Variants in VWA8 observed in about 807,000 individuals in gnomAD.
The protein encoded by VWA8 is von Willebrand factor A domain containing 8, also known as von Willebrand factor A domain-containing protein 8.
VWA8 carries 221 observed loss-of-function variants against 241.5 expected under a neutral mutation model. The observed-to-expected ratio is 0.91, with a 90% CI of 0.82 to 1.02. VWA8 has a LOEUF of 1.02. Ranked by LOEUF, VWA8 falls within the 50% of genes least tolerant of loss-of-function variation. VWA8 has a pLI of 0.00. For synonymous variants in VWA8, 852 were observed against 827.1 expected (o/e 1.03, Z -0.52); for missense variants, 2,322 against 2,328.7 (o/e 1.00, Z 0.06).
At chr13:41,863,454 TTC>T (rs1491531604) in intron 12 of VWA8, among the ~76,000 whole-genome samples, 1,747 of 94,440 alleles carry the variant, frequency 0.018, 55 homozygotes, top group Middle Eastern at 0.058. Context: ...TATATATATA[TTC>T]ACACACACAC....
At chr13:41,839,124 G>A (rs1871875711) in intron 12 of VWA8, among the ~76,000 whole-genome samples, 2 of 152,080 alleles carry the variant, frequency 1.3e-5, no homozygotes, top group Non-Finnish European at 2.9e-5. Flanking sequence ...CAGTGTTAAA[G>A]CATTCCCATT....
chr13:41,895,715 T>C (rs1809426027), intron 4 of VWA8, among the ~76,000 whole-genome samples: 1 of 152,180 alleles, frequency 6.6e-6, no homozygotes, highest in African/African-American at 2.4e-5. Context: ...CTAATTGTGC[T>C]ATTATCCTCA....
At chr13:41,728,862 T>C (rs1391267092) in intron 23 of VWA8, among the ~76,000 whole-genome samples, 1 of 152,088 alleles carries the variant, frequency 6.6e-6, no homozygotes, top group Non-Finnish European at 1.5e-5. Flanking sequence ...CTCAACTTGT[T>C]TGGTTACTCT....
At chr13:41,846,540 A>C (rs980900623) in intron 12 of VWA8, among the ~76,000 whole-genome samples, 1 of 152,236 alleles carries the variant, frequency 6.6e-6, no homozygotes, top group African/African-American at 2.4e-5. Flanking sequence ...AATCAAGTGA[A>C]GAAACAAACT....
chr13:41,959,962 G>C (rs1188116375), intron 1 of VWA8, among the ~76,000 whole-genome samples: 1 of 152,116 alleles, frequency 6.6e-6, no homozygotes, highest in Non-Finnish European at 1.5e-5. Context: ...AATGCAAGAG[G>C]ACAACGAAAC....
At chr13:41,889,599 G>T (rs1294980310) in intron 5 of VWA8, among the ~76,000 whole-genome samples, 2 of 152,032 alleles carry the variant, frequency 1.3e-5, no homozygotes, top group African/African-American at 4.8e-5. Flanking sequence ...GGCTGATCTT[G>T]AACTCCTGAC....
chr13:41,871,736 T>C (rs1453377080), intron 9 of VWA8, among the ~76,000 whole-genome samples: 1 of 152,146 alleles, frequency 6.6e-6, no homozygotes, highest in Admixed American at 6.5e-5. Flanking sequence ...TCCAAGTCTT[T>C]GCTATTGTGA....
chr13:41,924,338 C>A (rs1482512096), intron 2 of VWA8, among the ~76,000 whole-genome samples: 2 of 144,274 alleles, frequency 1.4e-5, no homozygotes, highest in East Asian at 2.1e-4. Flanking sequence ...GAAGATAGCT[C>A]TTCTGAAATT....
At chr13:41,768,272 C>A (rs935289715) in intron 20 of VWA8, among the ~76,000 whole-genome samples, 1 of 152,178 alleles carries the variant, frequency 6.6e-6, no homozygotes, top group Non-Finnish European at 1.5e-5. Context: ...GCTGTCATAG[C>A]AACATGGTAT....
At chr13:41,832,951 A>G (rs1479806296) in intron 13 of VWA8, among the ~76,000 whole-genome samples, 1 of 152,072 alleles carries the variant, frequency 6.6e-6, no homozygotes, top group Non-Finnish European at 1.5e-5. Context: ...TCTCTCAAAA[A>G]AAAAAGATTC....
intron 2 of VWA8, among the ~76,000 whole-genome samples, chr13:41,949,340 C>A (rs1057354374): frequency 1.2e-4 from 19 of 152,020 alleles, no homozygotes; most frequent in Non-Finnish European, 2.6e-4. Context: ...ATGGATGAAA[C>A]TGGAAACCAT....
intron 19 of VWA8, among the ~76,000 whole-genome samples, chr13:41,778,832 CTTTTTTT>C (rs71096543): frequency 3.6e-5 from 3 of 82,672 alleles, no homozygotes; most frequent in South Asian, 4.2e-4. Context: ...CAGTACGTCA[CTTTTTTT>C]TTTTTTTTTT....
In VWA8 at chr13:41,600,187, C is replaced by T. The variant is rs574663700; in HGVS notation, c.4986+4981G>A. Among the ~76,000 whole-genome samples the T allele has an allele frequency of 1.2e-3, 190 of 152,218 alleles. 2 individuals are homozygous for T. The highest frequency in any genetic ancestry group is 2.0e-3 in the Non-Finnish European group (139 of 67,988). On this transcript the variant is annotated intron_variant, in intron 40 of 44. Coordinates refer to ENST00000379310, the MANE Select transcript of VWA8 (RefSeq NM_015058.2). Reference sequence around the variant, plus strand: ...TTCAAAGCTGTTTGCGTGTCACTAGCGCTCTTCATTAATTTCTCCTGACGT... The same window carrying T: ...TTCAAAGCTGTTTGCGTGTCACTAGTGCTCTTCATTAATTTCTCCTGACGT...
At chr13:41,597,180 C>T (rs1189756418) in intron 40 of VWA8, among the ~76,000 whole-genome samples, 2 of 152,022 alleles carry the variant, frequency 1.3e-5, no homozygotes, top group Non-Finnish European at 1.5e-5. Context: ...TACCTGTGAA[C>T]AGCGATTCTC....
At chr13:41,685,904 T>C (rs1000762828) in intron 34 of VWA8, among the ~76,000 whole-genome samples, 9 of 152,204 alleles carry the variant, frequency 5.9e-5, no homozygotes, top group African/African-American at 2.2e-4. Flanking sequence ...CGTATGTATT[T>C]ATCCTTCCTA....
chr13:41,922,428 A>G (rs1041328435), intron 2 of VWA8, among the ~76,000 whole-genome samples: 4 of 152,242 alleles, frequency 2.6e-5, no homozygotes, highest in Non-Finnish European at 5.9e-5. Context: ...GCCAAAATTG[A>G]CAAATGGGAT....
intron 39 of VWA8, among the ~76,000 whole-genome samples, chr13:41,609,373 A>C (rs1225279711): frequency 1.3e-5 from 2 of 152,212 alleles, no homozygotes; most frequent in Non-Finnish European, 2.9e-5. Flanking sequence ...ACTTAATAAT[A>C]GTATTGTGAG....
chr13:41,765,939 A>G (rs1360813409), intron 20 of VWA8, among the ~76,000 whole-genome samples: 1 of 152,190 alleles, frequency 6.6e-6, no homozygotes, highest in Non-Finnish European at 1.5e-5. Context: ...AACATTTATC[A>G]TTACTGTTCT....
intron 42 of VWA8, among the ~76,000 whole-genome samples, chr13:41,582,652 C>T (rs1439386651): frequency 1.3e-5 from 2 of 152,096 alleles, no homozygotes; most frequent in African/African-American, 4.8e-5. Flanking sequence ...TAAATTAAAT[C>T]CTTTTGTTAG....
Sources: gnomAD v4.1 joint callset for allele counts (sites outside exome capture counted in the v4.1 genomes callset) on GRCh38, gnomAD v4.1.1 for gene constraint, MANE v1.5 for transcripts, NCBI Gene and HGNC (gene_info 2026-07-23, HGNC 2026-07-21) for gene names.